The following NCOA6 variants were observed in gnomAD, a reference collection of about 807,000 sequenced individuals.
NCOA6 encodes nuclear receptor coactivator 6.
In NCOA6, 49 loss-of-function variants were observed where a neutral mutation model predicts 171.4. The observed-to-expected ratio is 0.29, with a 90% CI of 0.23 to 0.36. NCOA6 has a LOEUF of 0.36. Ranked by LOEUF, NCOA6 falls within the 10% of genes least tolerant of loss-of-function variation. The pLI, the probability that NCOA6 is intolerant of heterozygous loss-of-function variation, is 1.00. For missense variants in NCOA6, 2,248 were observed against 2,554.5 expected (o/e 0.88, Z 2.59); for synonymous variants, 910 against 927.5 (o/e 0.98, Z 0.34).
intron 6 of NCOA6, 142 bp downstream of exon 6, chr20:34,758,663 A>G: frequency 1.8e-6 from 2 of 1,111,676 alleles, no homozygotes; most frequent in Non-Finnish European, 2.6e-6. Flanking sequence ...ATTTAGTTTG[A>G]AGAAATCAGG....
At chr20:34,720,763 A>G (rs1461435289) in intron 14 of NCOA6, among the ~76,000 whole-genome samples, 1 of 152,186 alleles carries the variant, frequency 6.6e-6, no homozygotes, top group Non-Finnish European at 1.5e-5. Flanking sequence ...ATATGTCCCC[A>G]CATTTGAGGT....
rs751336836 is a variant in NCOA6, at chr20:34,757,811, G to A, written c.937C>T (p.Pro313Ser). ...AGCTGGTTCCAGCCTGGAGGAACAG[G>A]CACCTGAGTTGGGGCAGTAAACTGG... ...RPQFTAPTQVPVPPGWNQLPS... is the reference protein window; with the variant it reads ...RPQFTAPTQVSVPPGWNQLPS... Residue 313 changes from proline (P) to serine (S), a missense_variant, in exon 7 of 15, where the codon CCT (proline) becomes TCT (serine). Physicochemically the swap from Pro to Ser is moderately conservative, Grantham distance 74 (BLOSUM62 -1). Transcript: ENST00000359003. The A allele has an allele frequency of 6.2e-7, 1 of 1,614,168 alleles. No homozygotes were observed. The highest frequency in any genetic ancestry group is 8.5e-7 in the Non-Finnish European group (1 of 1,180,020).
chr20:34,782,313 A>C lies in NCOA6; in HGVS notation c.43T>G (p.Ser15Ala). ...DLPNLEDIYT[S>A]LCSSTMEDSE... Reference sequence around the variant, plus strand: ...TCTTCCATTGTTGATGAACACAAGGAAGTATAGATGTCTTCTAAGTTTGGA... The same window carrying C: ...TCTTCCATTGTTGATGAACACAAGGCAGTATAGATGTCTTCTAAGTTTGGA... The change falls in exon 3 of 15, where the codon TCC (serine) becomes GCC (alanine). Residue 15 changes from serine to alanine, a missense_variant. Ser to Ala is a moderately conservative substitution (Grantham distance 99). This residue lies in a region of NCOA6 where 987 missense variants were observed against 1,104.7 expected (regional missense o/e 0.89). Coordinates refer to ENST00000359003, the MANE Select transcript of NCOA6 (RefSeq NM_014071.5). 6.2e-7 allele frequency: 1 copy of C among 1,612,622 alleles called. No individual in the cohort carries two copies. The highest frequency in any genetic ancestry group is 8.5e-7 in the Non-Finnish European group (1 of 1,179,380).
chr20:34,752,003 G>A (rs540391738), intron 8 of NCOA6, among the ~76,000 whole-genome samples: 9 of 152,178 alleles, frequency 5.9e-5, no homozygotes, highest in South Asian at 2.1e-4. Context: ...AACTAGAAGC[G>A]CACAACAACA....
chr20:34,804,988 C>T (rs1601109166), intron 1 of NCOA6, among the ~76,000 whole-genome samples: 2 of 151,944 alleles, frequency 1.3e-5, no homozygotes, highest in South Asian at 2.1e-4. Context: ...TTTTATCCTT[C>T]CCCTGCTCTT....
intron 1 of NCOA6, among the ~76,000 whole-genome samples, chr20:34,814,326 A>G (rs1264904051): frequency 1.3e-5 from 2 of 151,998 alleles, no homozygotes; most frequent in Non-Finnish European, 2.9e-5. Context: ...GTGACAGAGT[A>G]AGACTCCATC....
chr20:34,756,987 C>G (rs1189098977), intron 7 of NCOA6, among the ~76,000 whole-genome samples: 1 of 152,176 alleles, frequency 6.6e-6, no homozygotes, highest in Non-Finnish European at 1.5e-5. Flanking sequence ...ATGAACATCT[C>G]TACATTGAAT....
chr20:34,774,733 C>T (rs896576390), intron 4 of NCOA6, among the ~76,000 whole-genome samples: 1 of 152,174 alleles, frequency 6.6e-6, no homozygotes, highest in Non-Finnish European at 1.5e-5. Flanking sequence ...TTCCAAAGAG[C>T]TCCCCCACAC....
rs372598160 is a variant in NCOA6 at position 34,740,463 on chromosome 20, C to T, written c.5793G>A (p.Pro1931=). The stretch of plus-strand genomic sequence containing the variant: ...TGCCACCATGATTGCTTTTTGTGGT[C>T]GGTACGGCGGAGATGAGCTCGGAGG... The part of the protein sequence containing the change: ...LVPSELISAV[P]TTKSNHGGIA... Residue 1931 remains proline, a synonymous_variant, in exon 11 of 15, where the codon CCG becomes CCA. Coordinates refer to ENST00000359003, the MANE Select transcript of NCOA6 (RefSeq NM_014071.5). The T allele has an allele frequency of 1.7e-5, 28 of 1,613,940 alleles. No homozygotes were observed. The highest frequency in any genetic ancestry group is 1.2e-4 in the African/African-American group (9 of 74,884).
At chr20:34,793,945 T>A (rs1217109606) in intron 1 of NCOA6, among the ~76,000 whole-genome samples, 1 of 152,130 alleles carries the variant, frequency 6.6e-6, no homozygotes. Context: ...ATTCAACATA[T>A]GAAAAGATGT....
At chr20:34,748,235 T>C (rs1320522390) in intron 9 of NCOA6, among the ~76,000 whole-genome samples, 1 of 152,152 alleles carries the variant, frequency 6.6e-6, no homozygotes, top group East Asian at 1.9e-4. Flanking sequence ...TTGATGCTAG[T>C]AAAGAATTTA....
intron 2 of NCOA6, among the ~76,000 whole-genome samples, chr20:34,782,710 T>C (rs865995853): frequency 3.9e-5 from 6 of 152,298 alleles, no homozygotes; most frequent in Non-Finnish European, 2.9e-5. Flanking sequence ...AACAAGTACA[T>C]ACTTTTTGAG....
chr20:34,732,674 A>G, intron 12 of NCOA6, 79 bp from the exon 13 acceptor site: 1 of 1,273,378 alleles, frequency 7.9e-7, no homozygotes. Context: ...AGAATTCTCT[A>G]TGCCCTATTT....
At chr20:34,809,599 C>T (rs1305400660) in intron 1 of NCOA6, 4 of 395,834 alleles carry the variant, frequency 1.0e-5, no homozygotes, top group East Asian at 3.6e-5. Flanking sequence ...CCTTATAAAC[C>T]TATTCAAAAT....
chr20:34,808,576 G>A (rs1335086223), intron 1 of NCOA6, among the ~76,000 whole-genome samples: 1 of 151,780 alleles, frequency 6.6e-6, no homozygotes, highest in African/African-American at 2.4e-5. Context: ...GTATCTGGGA[G>A]TAAAGGCATG....
Position 34,740,848 on chromosome 20 carries a change from G to A in NCOA6, c.5408C>T (p.Ser1803Phe), listed in dbSNP as rs1396334696. 1 of 1,614,210 alleles carries A rather than the reference G, an allele frequency of 6.2e-7. No individual in the cohort carries two copies. Among genetic ancestry groups the A allele is most frequent in the South Asian group, 1.1e-5 (1 of 91,086 alleles). ...GACTGGGCTTCGCCGGTTGCCAGAG[G>A]ACCCTGGACTATTGGTCAAAAGGGG... Reference protein sequence around the residue: ...VSPLLTNSPGSSGNRRSPVSS... With the variant: ...VSPLLTNSPGFSGNRRSPVSS... The change falls in exon 11 of 15, where the codon TCC (serine) becomes TTC (phenylalanine). Residue 1803 changes from serine (S) to phenylalanine (F), a missense_variant. Around this residue, in one of 7 missense-constraint regions of NCOA6, gnomAD observed 884 missense variants for 941.9 expected, o/e 0.94. Coordinates refer to ENST00000359003, the MANE Select transcript of NCOA6 (RefSeq NM_014071.5).
rs749801791 is a variant in NCOA6, at chr20:34,741,403, G to A, written c.4853C>T (p.Thr1618Ile). ...TGACATCAATGCAGACTGCAAGTGA[G>A]TTGGCAAAGCTGCTGATGTGTTAGC... ...TSANTSAALP[T>I]HLQSALMSTV... Residue 1618 changes from threonine (T) to isoleucine (I), a missense_variant, in exon 11 of 15, where the codon ACT becomes ATT. Thr to Ile is a moderately conservative substitution (Grantham distance 89, BLOSUM62 -1). Coordinates refer to ENST00000359003, the MANE Select transcript of NCOA6 (RefSeq NM_014071.5). 2 of 1,614,268 alleles carry A rather than the reference G, an allele frequency of 1.2e-6. No individual in the cohort carries two copies. Among genetic ancestry groups the A allele is most frequent in the South Asian group, 1.1e-5 (1 of 91,090 alleles).
At chr20:34,725,134 G>A (rs1049228408) in intron 14 of NCOA6, among the ~76,000 whole-genome samples, 3 of 152,146 alleles carry the variant, frequency 2.0e-5, no homozygotes, top group Admixed American at 6.5e-5. Flanking sequence ...CTGACATGTA[G>A]TAAATATTTA....
At chr20:34,811,201 G>GTATATATATATATA (rs10700283) in intron 1 of NCOA6, among the ~76,000 whole-genome samples, 1,253 of 53,634 alleles carry the variant, frequency 0.023, 98 homozygotes, top group Non-Finnish European at 0.027. Context: ...ACAACAACGT[G>GTATATATATATATA]TATATATATA....
Sources: allele counts gnomAD v4.1 joint callset (sites outside exome capture counted in the v4.1 genomes callset), GRCh38; gene constraint gnomAD v4.1.1; regional missense constraint gnomAD v4.1.1; transcripts MANE v1.5; gene names NCBI Gene and HGNC (gene_info 2026-07-23, HGNC 2026-07-21).